The following SUGP2 variants were observed in gnomAD, a reference collection of about 807,000 sequenced individuals.
SUGP2 encodes SURP and G-patch domain containing 2, also known as SURP and G-patch domain-containing protein 2.
A neutral mutation model predicts 90.5 loss-of-function variants in SUGP2; 24 were observed. The observed-to-expected ratio is 0.27, with a 90% CI of 0.19 to 0.37. The LOEUF is 0.37. Ranked by LOEUF, SUGP2 falls within the 10% of genes least tolerant of loss-of-function variation. The pLI is 1.00. For synonymous variants in SUGP2, 473 were observed against 513.4 expected, an observed-to-expected ratio of 0.92 and a Z score of 1.06; for missense variants, 1,233 against 1,363.3, an observed-to-expected ratio of 0.90 and a Z score of 1.51.
At chr19:19,030,723 G>T (rs79628101) in intron 2 of SUGP2, among the ~76,000 whole-genome samples, 3,499 of 152,186 alleles carry the variant, frequency 0.023, 132 homozygotes, top group African/African-American at 0.08. Flanking sequence ...GAGTTCAAGG[G>T]TGCAGTGAGC....
intron 7 of SUGP2, among the ~76,000 whole-genome samples, chr19:19,002,166 G>GGTTA (rs1425678180): frequency 9.2e-5 from 14 of 152,272 alleles, no homozygotes; most frequent in African/African-American, 3.4e-4. Context: ...GATCACCCGA[G>GGTTA]GTTAGGAGTT....
In SUGP2 at chr19:19,016,562, T is replaced by C. The variant is rs1470932826; in HGVS notation, c.1850+2547A>G. 3.3e-5 allele frequency among the ~76,000 whole-genome samples: 5 copies of C among 152,272 alleles called. No individual in the cohort carries two copies. The East Asian group carries it at 9.7e-4, about 29-fold the overall frequency. On this transcript the variant is annotated intron_variant, in intron 4 of 10. Coordinates refer to ENST00000452918, the MANE Select transcript of SUGP2 (RefSeq NM_001017392.5). ...CCTTCTTACCAAGAGGGTCGGTATC[T>C]GCTTGCATCTGTCAATCTGACAATC...
At chr19:19,031,704 G>GA (rs894412608) in intron 1 of SUGP2, among the ~76,000 whole-genome samples, 45 of 145,776 alleles carry the variant, frequency 3.1e-4, no homozygotes, top group Middle Eastern at 3.5e-3. Flanking sequence ...CTGTCTCAAA[G>GA]AAAAAAAAAA....
intron 9 of SUGP2, 111 bp from the exon 10 acceptor site, chr19:18,994,597 C>A (rs2057498510): frequency 7.1e-6 from 10 of 1,408,256 alleles, no homozygotes. Flanking sequence ...GGGACACACA[C>A]TGAGACATCA....
At chr19:19,032,633 T>TGAA in intron 1 of SUGP2, among the ~76,000 whole-genome samples, 1 of 152,024 alleles carries the variant, frequency 6.6e-6, no homozygotes, top group South Asian at 2.1e-4. Flanking sequence ...AACCACCCAC[T>TGAA]GAAGAGGCGG....
chr19:19,009,912 C>T lies in SUGP2; in HGVS notation c.2281G>A (p.Ala761Thr), dbSNP rs1382372792. The change falls in exon 5 of 11, where the codon GCA (alanine) becomes ACA (threonine). Residue 761 changes from alanine (A) to threonine (T), a missense_variant. By Grantham distance (58) the Ala-to-Thr change is moderately conservative. Around this residue, in one of 8 missense-constraint regions of SUGP2, gnomAD observed 540 missense variants for 542.6 expected, o/e 1.00. Transcript: ENST00000452918. Reference protein sequence around the residue: ...LEASGPSPKPAGVDISEAPQT... With the variant: ...LEASGPSPKPTGVDISEAPQT... Reference sequence around the variant, plus strand: ...GGTGCTTCAGAGATGTCCACTCCTGCTGGCTTGGGGGATGGGCCTGAGGCT... The same window carrying T: ...GGTGCTTCAGAGATGTCCACTCCTGTTGGCTTGGGGGATGGGCCTGAGGCT... The T allele has an allele frequency of 4.3e-6, 7 of 1,614,118 alleles. No homozygotes were observed. In the Admixed American group the frequency reaches 1.0e-4, roughly 23 times the overall value.
chr19:19,015,145 C>T (rs10423499), intron 4 of SUGP2, among the ~76,000 whole-genome samples: 111,269 of 151,376 alleles, frequency 0.74, 41,007 homozygotes, highest in East Asian at 0.89. Flanking sequence ...GAGCTTGCAG[C>T]GAGCCAAGAT....
chr19:19,016,229 C>T (rs1030456274), intron 4 of SUGP2, among the ~76,000 whole-genome samples: 2 of 152,046 alleles, frequency 1.3e-5, no homozygotes, highest in Non-Finnish European at 2.9e-5. Context: ...GACAGGGTTT[C>T]ACCGTGTTCG....
chr19:19,000,577 AC>A (rs2057790619), intron 8 of SUGP2, among the ~76,000 whole-genome samples: 1 of 152,062 alleles, frequency 6.6e-6, no homozygotes, highest in Admixed American at 6.6e-5. Context: ...TTTTAAGGAG[AC>A]CAGGAGGAGA....
intron 2 of SUGP2, among the ~76,000 whole-genome samples, chr19:19,026,577 C>A (rs568497386): frequency 6.6e-6 from 1 of 152,326 alleles, no homozygotes; most frequent in African/African-American, 2.4e-5. Context: ...ACTCTCTAGC[C>A]ATCTGGGTTG....
intron 8 of SUGP2, among the ~76,000 whole-genome samples, chr19:18,995,830 G>C (rs1176647013): frequency 1.3e-5 from 2 of 152,100 alleles, no homozygotes; most frequent in African/African-American, 4.8e-5. Flanking sequence ...TTGGACATTG[G>C]GGTCTGTGTC....
intron 8 of SUGP2, among the ~76,000 whole-genome samples, chr19:19,000,710 CTTT>C (rs149299644): frequency 6.9e-6 from 1 of 144,004 alleles, no homozygotes. Flanking sequence ...ATAACTTGAA[CTTT>C]TTTTTTTTTT....
Position 19,019,165 on chromosome 19 carries a change from G to A in SUGP2, c.1794C>T (p.Ile598=), listed in dbSNP as rs994123376. ...GTIDQLVKRV[I]EGSLSPKERT... is the part of the protein sequence containing the mutation. ...TCTCTTTGGGAGACAGGCTGCCTTC[G>A]ATGACACGTTTCACAAGCTGGTCGA... The change falls in exon 4 of 11, where the codon ATC becomes ATT. Residue 598 remains isoleucine, a synonymous_variant. Coordinates refer to ENST00000452918, the MANE Select transcript of SUGP2 (RefSeq NM_001017392.5). 4.3e-6 allele frequency: 7 copies of A among 1,614,008 alleles called. No individual in the cohort carries two copies. Among genetic ancestry groups the A allele is most frequent in the East Asian group, 4.5e-5 (2 of 44,896 alleles).
rs779575062 is a variant in SUGP2, at chr19:19,010,242, G to A, written c.1951C>T (p.Pro651Ser). ...SENLRGADQKPTSADCAVRAM... is the reference protein window; with the variant it reads ...SENLRGADQKSTSADCAVRAM... ...CTCACTGCACAGTCTGCTGAGGTCG[G>A]CTTCTGGTCGGCTCCTCGCAAGTTC... is the stretch of plus-strand genomic sequence containing the variant. Residue 651 changes from proline (P) to serine (S), a missense_variant, in exon 5 of 11, where the codon CCG becomes TCG. By Grantham distance (74) the Pro-to-Ser change is moderately conservative. Around this residue, in one of 8 missense-constraint regions of SUGP2, gnomAD observed 540 missense variants for 542.6 expected, o/e 1.00. Coordinates refer to ENST00000452918, the MANE Select transcript of SUGP2 (RefSeq NM_001017392.5). The A allele has an allele frequency of 6.2e-7, 1 of 1,614,118 alleles. No homozygotes were observed. Among genetic ancestry groups the A allele is most frequent in the South Asian group, 1.1e-5 (1 of 91,078 alleles).
At position 19,024,775 on chromosome 19, in the gene SUGP2, G is replaced by A; in HGVS notation, c.1573C>T (p.Arg525Ter). 6.2e-7 allele frequency: 1 copy of A among 1,614,108 alleles called. No homozygotes were observed. The highest frequency in any genetic ancestry group is 8.5e-7 in the Non-Finnish European group (1 of 1,180,028). The change falls in exon 3 of 11, where the codon CGA becomes TGA. Residue 525 changes from arginine (R) to a stop codon, truncating the protein, a stop_gained. Coordinates refer to ENST00000452918, the MANE Select transcript of SUGP2 (RefSeq NM_001017392.5). LOFTEE classifies it high-confidence loss of function. The stretch of plus-strand genomic sequence containing the variant: ...GCCTTCAGGTGGTCTATGTACTCTC[G>A]CCCAAACAAAGTGGAGTCTTCGAAG... Reference protein sequence around the residue: ...PNFEDSTLFGREYIDHLKAWL... With the variant: ...PNFEDSTLFG
rs759081819 is a variant in SUGP2 at position 19,004,196 on chromosome 19, C to T, written c.2901G>A (p.Lys967=). The T allele has an allele frequency of 6.3e-7, 1 of 1,583,452 alleles. No homozygotes were observed. Among genetic ancestry groups the T allele is most frequent in the East Asian group, 2.2e-5 (1 of 44,580 alleles). The change falls in exon 7 of 11, where the codon AAG becomes AAA. Residue 967 remains lysine, a synonymous_variant. Transcript: ENST00000452918. ...SLKVGMIPAP[K]RVCLIQEPKV... ...TTGGCTCCTGGATGAGACACACTCT[C>T]TTGGGAGCTGGAATCATGCCAACCT...
In SUGP2 at chr19:19,025,665, T is replaced by A. The variant is rs2058894828; in HGVS notation, c.683A>T (p.Lys228Met). ...TGTGAGCAGGCCCTGAGTCTCCCCC[T>A]TTCCTAGGAGGGAACCTTCCTGGTC... ...IVDQEGSLLG[K>M]GETQGLLTAK... The change falls in exon 3 of 11, where the codon AAG (lysine) becomes ATG (methionine). Residue 228 changes from lysine to methionine, a missense_variant. Lys to Met is a moderately conservative substitution (Grantham distance 95). Coordinates refer to ENST00000452918, the MANE Select transcript of SUGP2 (RefSeq NM_001017392.5). 2 of 1,613,994 alleles carry A rather than the reference T, an allele frequency of 1.2e-6. No homozygotes were observed. Among genetic ancestry groups the A allele is most frequent in the East Asian group, 2.2e-5 (1 of 44,880 alleles).
chr19:19,002,337 G>A (rs1292166192), intron 7 of SUGP2, among the ~76,000 whole-genome samples: 1 of 150,854 alleles, frequency 6.6e-6, no homozygotes, highest in East Asian at 2.0e-4. Flanking sequence ...CCGAGATTGT[G>A]CCACTGCACT....
At chr19:19,030,908 C>A (rs117477431) in intron 2 of SUGP2, 43 bp downstream of exon 2, 2 of 1,589,176 alleles carry the variant, frequency 1.3e-6, no homozygotes, top group South Asian at 1.2e-5. Flanking sequence ...CTAAGATACA[C>A]CCCTACCAAA....
Sources: allele counts gnomAD v4.1 joint callset (sites outside exome capture counted in the v4.1 genomes callset), GRCh38; gene constraint gnomAD v4.1.1; regional missense constraint gnomAD v4.1.1; transcripts MANE v1.5; gene names NCBI Gene and HGNC (gene_info 2026-07-23, HGNC 2026-07-21).